The following EYS variants were observed in gnomAD, a reference collection of about 807,000 sequenced individuals.
The protein encoded by EYS is protein eyes shut homolog.
In EYS, 250 loss-of-function variants were observed where a neutral mutation model predicts 282.1. That is an observed-to-expected ratio of 0.89 (90% CI 0.80 to 0.98). The LOEUF is 0.98. EYS is among the 50% of genes least tolerant of loss of function. The pLI is 0.00. For synonymous variants in EYS, 1,355 were observed against 1,282.9 expected, an observed-to-expected ratio of 1.06 and a Z score of -1.20; for missense variants, 4,016 against 3,709.0, an observed-to-expected ratio of 1.08 and a Z score of -2.15.
intron 11 of EYS, chr6:65,332,165 C>T: frequency 4.3e-6 from 2 of 467,296 alleles, no homozygotes; most frequent in South Asian, 8.0e-5. Context: ...TGTGGAAGTT[C>T]CCTTTTATTC....
chr6:65,426,955 G>C (rs889923687), intron 5 of EYS, among the ~76,000 whole-genome samples: 8 of 151,904 alleles, frequency 5.3e-5, no homozygotes, highest in African/African-American at 1.7e-4. Context: ...TATTAATGTA[G>C]TTAAATACAT....
chr6:64,695,870 A>G (rs1372087219), intron 22 of EYS, among the ~76,000 whole-genome samples: 2 of 152,122 alleles, frequency 1.3e-5, no homozygotes, highest in South Asian at 2.1e-4. Flanking sequence ...TGCCATCCCA[A>G]TGAAAAGTAA....
chr6:64,425,953 A>G (rs1335869387), intron 28 of EYS, among the ~76,000 whole-genome samples: 4 of 152,102 alleles, frequency 2.6e-5, no homozygotes, highest in Non-Finnish European at 4.4e-5. Context: ...GATATGTTAA[A>G]TTTAAGATAC....
intron 26 of EYS, among the ~76,000 whole-genome samples, chr6:64,488,532 C>T (rs907733812): frequency 6.6e-6 from 1 of 151,020 alleles, no homozygotes; most frequent in East Asian, 1.9e-4. Context: ...TTATAAGACA[C>T]TCTGCCATAT....
At chr6:65,057,121 T>C (rs1773439990) in intron 13 of EYS, among the ~76,000 whole-genome samples, 1 of 151,988 alleles carries the variant, frequency 6.6e-6, no homozygotes, top group African/African-American at 2.4e-5. Flanking sequence ...TGCAATAATA[T>C]ATTAACATAT....
At chr6:65,009,619 C>A (rs539602943) in intron 13 of EYS, among the ~76,000 whole-genome samples, 1 of 152,152 alleles carries the variant, frequency 6.6e-6, no homozygotes, top group Non-Finnish European at 1.5e-5. Flanking sequence ...TAGGCATTAG[C>A]CCAAGACTTG....
At chr6:65,322,526 G>C (rs1769502961) in intron 11 of EYS, among the ~76,000 whole-genome samples, 2 of 152,034 alleles carry the variant, frequency 1.3e-5, no homozygotes, top group Admixed American at 1.3e-4. Context: ...GACGGGCGCA[G>C]TGGCTCATGC....
intron 26 of EYS, among the ~76,000 whole-genome samples, chr6:64,539,090 A>G (rs1764616833): frequency 6.6e-6 from 1 of 152,136 alleles, no homozygotes; most frequent in South Asian, 2.1e-4. Context: ...TAGCATAATG[A>G]CCTCAAGTTC....
chr6:64,386,822 T>C (rs1324741844), intron 29 of EYS, among the ~76,000 whole-genome samples: 1 of 152,150 alleles, frequency 6.6e-6, no homozygotes, highest in Non-Finnish European at 1.5e-5. Flanking sequence ...TTTTGTTTAA[T>C]TATTCTGAAC....
At chr6:64,207,670 C>CTTGAT in intron 31 of EYS, among the ~76,000 whole-genome samples, 1 of 151,478 alleles carries the variant, frequency 6.6e-6, no homozygotes, top group Admixed American at 6.6e-5. Flanking sequence ...TTTATGCCAA[C>CTTGAT]TTTATTTTTT....
Position 64,712,046 on chromosome 6 carries a change from C to T in EYS, c.3444-85801G>A, listed in dbSNP as rs146086694. Among the ~76,000 whole-genome samples, 110 of 152,266 alleles carry T rather than the reference C, an allele frequency of 7.2e-4. 2 individuals are homozygous for T. The highest frequency in any genetic ancestry group is 2.6e-3 in the African/African-American group (106 of 41,552). ...CAGAGGACAAGTTCTCAATCTGGTC[C>T]AAGGATTTAACTCGTAACTTGGCTT... On this transcript the variant is annotated intron_variant, in intron 22 of 42. Transcript: ENST00000503581.
chr6:65,140,181 A>C (rs1403340645), intron 12 of EYS, among the ~76,000 whole-genome samples: 1 of 152,120 alleles, frequency 6.6e-6, no homozygotes, highest in Non-Finnish European at 1.5e-5. Context: ...GCAAAGAAAT[A>C]TAAGATATTA....
At chr6:65,445,123 A>G (rs932639477) in intron 5 of EYS, among the ~76,000 whole-genome samples, 3 of 151,800 alleles carry the variant, frequency 2.0e-5, no homozygotes, top group East Asian at 1.9e-4. Flanking sequence ...CTCCTTGGAT[A>G]GTTTTGATTG....
At chr6:65,627,975 G>C (rs946564440) in intron 2 of EYS, among the ~76,000 whole-genome samples, 1 of 152,232 alleles carries the variant, frequency 6.6e-6, no homozygotes, top group African/African-American at 2.4e-5. Flanking sequence ...GCCCCGGTGC[G>C]GGATCCACTA....
chr6:63,878,916 T>C (rs976572555), intron 35 of EYS, among the ~76,000 whole-genome samples: 12 of 152,260 alleles, frequency 7.9e-5, no homozygotes, highest in Non-Finnish European at 1.5e-4. Flanking sequence ...CCCGACTCCT[T>C]ATGCTTCCTG....
intron 13 of EYS, among the ~76,000 whole-genome samples, chr6:65,037,013 T>C (rs890293024): frequency 6.6e-6 from 1 of 152,004 alleles, no homozygotes; most frequent in Non-Finnish European, 1.5e-5. Flanking sequence ...TGCACATGTA[T>C]GTTCATTGCA....
chr6:64,252,540 A>T (rs1032005462), intron 30 of EYS, among the ~76,000 whole-genome samples: 2 of 152,098 alleles, frequency 1.3e-5, no homozygotes, highest in African/African-American at 4.8e-5. Context: ...GAACATTCAG[A>T]GACTCCCTAT....
chr6:65,648,070 C>G (rs1367297946), intron 1 of EYS, among the ~76,000 whole-genome samples: 1 of 152,052 alleles, frequency 6.6e-6, no homozygotes, highest in Non-Finnish European at 1.5e-5. Flanking sequence ...CACTTTTACA[C>G]TGTTGGTGGG....
rs768837125 is a variant in EYS at position 63,721,038 on chromosome 6, A to G, written c.8993T>C (p.Met2998Thr). The G allele has an allele frequency of 4.5e-6, 7 of 1,551,222 alleles. No individual in the cohort carries two copies. Among genetic ancestry groups the G allele is most frequent in the Admixed American group, 2.0e-5 (1 of 50,958 alleles). The change falls in exon 43 of 43, where the codon ATG (methionine) becomes ACG (threonine). Residue 2998 changes from methionine (M) to threonine (T), a missense_variant. Physicochemically the swap from Met to Thr is moderately conservative, Grantham distance 81. Transcript: ENST00000503581. ...ATTTTCTTCATTTTGAGCTATTCCC[A>G]TCCATACAATTAGACCTTCTGTTTT... ...TTKTEGLIVW[M>T]GIAQNEENDF...
Sources: gnomAD v4.1 joint callset for allele counts (sites outside exome capture counted in the v4.1 genomes callset) on GRCh38, gnomAD v4.1.1 for gene constraint, MANE v1.5 for transcripts, NCBI Gene and HGNC (gene_info 2026-07-23, HGNC 2026-07-21) for gene names.